The following CHAF1B variants were observed in gnomAD, a reference collection of about 807,000 sequenced individuals.
CHAF1B encodes chromatin assembly factor 1 subunit B.
In CHAF1B, 10 loss-of-function variants were observed where a neutral mutation model predicts 60.7. The ratio of observed to expected loss-of-function variants is 0.16; its 90% CI spans 0.10 to 0.28. The LOEUF (loss-of-function observed/expected upper bound fraction) is 0.28, where lower values mean the gene tolerates loss of function less well. Among genes scored for constraint, CHAF1B ranks in the 10% least tolerant of loss-of-function variants. The probability of loss-of-function intolerance (pLI) is 1.00; values close to 1 mark genes in which losing one functional copy is unlikely to be tolerated. For missense variants in CHAF1B, 558 were observed against 708.4 expected, an observed-to-expected ratio of 0.79 and a Z score of 2.41; for synonymous variants, 261 against 266.1, an observed-to-expected ratio of 0.98 and a Z score of 0.19.
intron 1 of CHAF1B, 80 bp from the exon 2 acceptor site, chr21:36,385,980 A>C (rs1216375209): frequency 2.5e-6 from 2 of 785,246 alleles, no homozygotes; most frequent in Non-Finnish European, 4.1e-6. Context: ...TGCAGTGTGC[A>C]TTTTAAATGG....
chr21:36,415,338 T>G lies in CHAF1B; in HGVS notation c.1537T>G (p.Ser513Ala), dbSNP rs1315616155. The change falls in exon 13 of 14, where the codon TCT (serine) becomes GCT (alanine). Residue 513 changes from serine to alanine, a missense_variant. Ser to Ala is a moderately conservative substitution (Grantham distance 99). This residue lies in a region of CHAF1B where 233 missense variants were observed against 214.9 expected (regional missense o/e 1.08). Coordinates refer to ENST00000314103, the MANE Select transcript of CHAF1B (RefSeq NM_005441.3). Reference protein sequence around the residue: ...TPLKTDTPPSSVPTSVISTPS... With the variant: ...TPLKTDTPPSAVPTSVISTPS... ...CTTAAAGACGGACACTCCACCAAGTTCTGTACCAACCAGTGTGATTTCCAC... is the reference window on the plus strand; with the variant it reads ...CTTAAAGACGGACACTCCACCAAGTGCTGTACCAACCAGTGTGATTTCCAC... The G allele has an allele frequency of 6.2e-7, 1 of 1,613,212 alleles. No homozygotes were observed. The highest frequency in any genetic ancestry group is 1.7e-5 in the Admixed American group (1 of 60,010).
At chr21:36,399,485 A>G (rs1262872299) in intron 6 of CHAF1B, 36 bp from the exon 7 acceptor site, 2 of 1,562,494 alleles carry the variant, frequency 1.3e-6, no homozygotes, top group Non-Finnish European at 1.8e-6. Context: ...TAATTCATTT[A>G]CTAGAAGTGG....
chr21:36,416,056 C>T (rs1291413776), intron 13 of CHAF1B, among the ~76,000 whole-genome samples: 1 of 152,156 alleles, frequency 6.6e-6, no homozygotes, highest in Non-Finnish European at 1.5e-5. Flanking sequence ...GCCCAGCTTG[C>T]CCATGACATT....
chr21:36,395,238 C>T (rs1355080474), intron 5 of CHAF1B, among the ~76,000 whole-genome samples: 2 of 149,812 alleles, frequency 1.3e-5, no homozygotes, highest in Non-Finnish European at 3.0e-5. Context: ...TTAACAGAGA[C>T]GGGGTTTCAC....
At chr21:36,409,940 A>T (rs978879115) in intron 10 of CHAF1B, among the ~76,000 whole-genome samples, 1 of 142,608 alleles carries the variant, frequency 7.0e-6, no homozygotes, top group African/African-American at 2.6e-5. Flanking sequence ...TTGTTTGTCT[A>T]TGTCTCTCAT....
At chr21:36,409,542 C>A in intron 10 of CHAF1B, 77 bp downstream of exon 10, 4 of 1,033,606 alleles carry the variant, frequency 3.9e-6, no homozygotes, top group Non-Finnish European at 6.0e-6. Context: ...GATTTGGATT[C>A]TGTCTTATGG....
At chr21:36,393,176 C>T (rs1017992116) in intron 4 of CHAF1B, among the ~76,000 whole-genome samples, 21 of 152,178 alleles carry the variant, frequency 1.4e-4, no homozygotes, top group African/African-American at 3.9e-4. Context: ...CGTCCAGCCT[C>T]GGCTTGGCAT....
chr21:36,391,907 ATTTTTTTTTTTTTTT>A (rs55920360), intron 4 of CHAF1B, among the ~76,000 whole-genome samples: 14 of 67,052 alleles, frequency 2.1e-4, no homozygotes, highest in African/African-American at 6.4e-4. Flanking sequence ...TGATTTTTAA[ATTTTTTTTTTTTTTT>A]TTTTTTTTTT....
intron 8 of CHAF1B, among the ~76,000 whole-genome samples, chr21:36,405,885 GT>G (rs1051123649): frequency 4.6e-5 from 7 of 151,402 alleles, no homozygotes; most frequent in East Asian, 1.9e-4. Context: ...TTGCATTAAA[GT>G]TTTTTTTTAA....
At chr21:36,401,653 T>C (rs1247950893) in intron 7 of CHAF1B, among the ~76,000 whole-genome samples, 2 of 141,854 alleles carry the variant, frequency 1.4e-5, no homozygotes, top group Non-Finnish European at 3.0e-5. Context: ...TATTTTTATA[T>C]TATATATTTT....
At chr21:36,393,278 G>A (rs933501534) in intron 4 of CHAF1B, among the ~76,000 whole-genome samples, 6 of 152,034 alleles carry the variant, frequency 3.9e-5, no homozygotes, top group African/African-American at 1.4e-4. Context: ...TGTGGAGACA[G>A]GGTCTCACTA....
At chr21:36,396,665 A>G (rs1308821711) in intron 5 of CHAF1B, among the ~76,000 whole-genome samples, 7 of 133,424 alleles carry the variant, frequency 5.2e-5, no homozygotes, top group East Asian at 2.0e-4. Context: ...AAAAAAAAAG[A>G]AAAAAAAAAA....
At position 36,409,412 on chromosome 21, in the gene CHAF1B, T is replaced by C. The variant is rs1417924711; in HGVS notation, c.866T>C (p.Leu289Pro). 2 of 1,613,840 alleles carry C rather than the reference T, an allele frequency of 1.2e-6. No individual in the cohort carries two copies. Among genetic ancestry groups the C allele is most frequent in the Non-Finnish European group, 1.7e-6 (2 of 1,179,948 alleles). Residue 289 changes from leucine (L) to proline (P), a missense_variant, in exon 10 of 14, where the codon CTT (leucine) becomes CCT (proline). By Grantham distance (98) the Leu-to-Pro change is moderately conservative (BLOSUM62 -3). This residue lies in a region of CHAF1B where 325 missense variants were observed against 493.5 expected (regional missense o/e 0.66). Coordinates refer to ENST00000314103, the MANE Select transcript of CHAF1B (RefSeq NM_005441.3). ...CTTCCATGTCCTGGAAAAGCCACTC[T>C]TGCTGTTCGCTGCTGTCCGGTCTAC... ...AHLPCPGKATLAVRCCPVYFE... is the reference protein window; with the variant it reads ...AHLPCPGKATPAVRCCPVYFE...
chr21:36,406,002 T>C (rs997794971), intron 8 of CHAF1B, among the ~76,000 whole-genome samples: 5 of 151,648 alleles, frequency 3.3e-5, no homozygotes, highest in Admixed American at 1.3e-4. Flanking sequence ...CCTCACCACA[T>C]ATCAGAAGAT....
rs1488424231 is a variant in CHAF1B, at chr21:36,416,375, C to G, written c.*9C>G. On this transcript the variant is annotated 3_prime_UTR_variant, in exon 14 of 14. Coordinates refer to ENST00000314103, the MANE Select transcript of CHAF1B (RefSeq NM_005441.3). ...AAAGTCTGGACCCTTGATGGGACCT[C>G]GGCTTCTGCTCGAAGCCTACCAGGC... 1 of 1,611,076 alleles carries G rather than the reference C, an allele frequency of 6.2e-7. No homozygotes were observed. The highest frequency in any genetic ancestry group is 1.3e-5 in the African/African-American group (1 of 74,868).
chr21:36,395,889 C>G (rs575570736), intron 5 of CHAF1B, among the ~76,000 whole-genome samples: 6 of 152,154 alleles, frequency 3.9e-5, no homozygotes, highest in Admixed American at 2.6e-4. Flanking sequence ...TGGCTGCCAC[C>G]GCAGCACTGT....
chr21:36,411,802 C>T (rs1336640936), intron 11 of CHAF1B, among the ~76,000 whole-genome samples, 198 bp downstream of exon 11: 1 of 152,048 alleles, frequency 6.6e-6, no homozygotes, highest in Admixed American at 6.6e-5. Context: ...GATCTCGTTT[C>T]ACTGCAACCT....
chr21:36,409,745 G>A (rs532367751), intron 10 of CHAF1B, among the ~76,000 whole-genome samples: 169 of 151,794 alleles, frequency 1.1e-3, no homozygotes, highest in Non-Finnish European at 2.3e-3. Context: ...TGATCCACCT[G>A]CCTCGGCCTC....
chr21:36,389,800 TGCGC>T (rs1555911823), intron 3 of CHAF1B, among the ~76,000 whole-genome samples: 3 of 124,746 alleles, frequency 2.4e-5, no homozygotes, highest in African/African-American at 7.0e-5. Context: ...TGTGTGTGTG[TGCGC>T]GCGCACGCTG....
Sources: gnomAD v4.1 joint callset for allele counts (sites outside exome capture counted in the v4.1 genomes callset) on GRCh38, gnomAD v4.1.1 for gene constraint, gnomAD v4.1.1 regional missense constraint, MANE v1.5 for transcripts, NCBI Gene and HGNC (gene_info 2026-07-23, HGNC 2026-07-21) for gene names.